Variants in FIG4 observed in about 807,000 individuals in gnomAD.
FIG4 encodes the protein polyphosphoinositide phosphatase.
In FIG4, 112 loss-of-function variants were observed where a neutral mutation model predicts 118.6. The ratio of observed to expected loss-of-function variants is 0.94; its 90% CI spans 0.81 to 1.11. The LOEUF (loss-of-function observed/expected upper bound fraction) is 1.11. FIG4 is among the 50% of genes least tolerant of loss of function. FIG4 has a pLI of 0.00. For synonymous variants in FIG4, 369 were observed against 381.2 expected (o/e 0.97, Z 0.37); for missense variants, 969 against 1,111.7 (o/e 0.87, Z 1.83).
At chr6:109,785,439 A>G (rs979117768) in intron 17 of FIG4, among the ~76,000 whole-genome samples, 10 of 152,248 alleles carry the variant, frequency 6.6e-5, no homozygotes, top group Non-Finnish European at 1.5e-4. Flanking sequence ...AAGCAGTGAA[A>G]AAAGGTACAG....
At chr6:109,707,330 G>GGT (rs1394457769) in intron 1 of FIG4, among the ~76,000 whole-genome samples, 4 of 130,928 alleles carry the variant, frequency 3.1e-5, no homozygotes, top group African/African-American at 1.2e-4. Flanking sequence ...TATATGTATA[G>GGT]GTATATATAT....
intron 10 of FIG4, among the ~76,000 whole-genome samples, chr6:109,752,124 T>G (rs1776726422): frequency 6.6e-6 from 1 of 151,684 alleles, no homozygotes; most frequent in Non-Finnish European, 1.5e-5. Flanking sequence ...TTACTGAGAA[T>G]GATGATTTCC....
At chr6:109,707,362 C>T (rs199778342) in intron 1 of FIG4, among the ~76,000 whole-genome samples, 2 of 144,910 alleles carry the variant, frequency 1.4e-5, no homozygotes, top group Non-Finnish European at 3.0e-5. Context: ...TACATATATA[C>T]GTGTATATAT....
rs1777192183 is a variant in FIG4 at position 109,763,972 on chromosome 6, G to A, written c.1424G>A (p.Gly475Asp). Reference sequence around the variant, plus strand: ...CTAGGAGGATGTGTGATTCCCACTGGTCGCCTGCAGGTATACACAGTATTA... The same window carrying A: ...CTAGGAGGATGTGTGATTCCCACTGATCGCCTGCAGGTATACACAGTATTA... ...NELGGCVIPT[G>D]RLQTGILRTN... Residue 475 changes from glycine to aspartate, a missense_variant, in exon 13 of 23, where the codon GGT (glycine) becomes GAT (aspartate). Coordinates refer to ENST00000230124, the MANE Select transcript of FIG4 (RefSeq NM_014845.6). The A allele has an allele frequency of 1.9e-6, 3 of 1,606,008 alleles. No individual in the cohort carries two copies. Among genetic ancestry groups the A allele is most frequent in the Non-Finnish European group, 1.7e-6 (2 of 1,172,656 alleles).
chr6:109,779,041 C>T (rs923545598), intron 16 of FIG4, among the ~76,000 whole-genome samples: 2 of 152,024 alleles, frequency 1.3e-5, no homozygotes, highest in Non-Finnish European at 2.9e-5. Context: ...CTTACTGTCC[C>T]TATAAATGGA....
chr6:109,814,330 G>T (rs1033594664), intron 22 of FIG4, among the ~76,000 whole-genome samples: 2 of 151,682 alleles, frequency 1.3e-5, no homozygotes, highest in Admixed American at 6.6e-5. Flanking sequence ...TTGTAGAGAT[G>T]GGAGTCTCAC....
chr6:109,754,613 T>G (rs962094370), intron 10 of FIG4, among the ~76,000 whole-genome samples: 1 of 152,210 alleles, frequency 6.6e-6, no homozygotes, highest in African/African-American at 2.4e-5. Context: ...TGCCACAATT[T>G]CAGATCCTGT....
chr6:109,753,861 G>C (rs975149224), intron 10 of FIG4, among the ~76,000 whole-genome samples: 1 of 152,122 alleles, frequency 6.6e-6, no homozygotes, highest in Admixed American at 6.6e-5. Flanking sequence ...GGGTTTTCTA[G>C]ATATACAATC....
chr6:109,751,952 A>T (rs1198567539), intron 10 of FIG4, among the ~76,000 whole-genome samples: 3 of 148,074 alleles, frequency 2.0e-5, no homozygotes, highest in African/African-American at 5.0e-5. Context: ...CTCGTCGTTT[A>T]GCATTAGGTA....
At chr6:109,715,231 G>T (rs1775394192) in intron 2 of FIG4, 55 bp downstream of exon 2, 2 of 845,238 alleles carry the variant, frequency 2.4e-6, no homozygotes, top group Non-Finnish European at 2.1e-6. Context: ...TTGTTTAAAG[G>T]ACATGAAATA....
intron 16 of FIG4, among the ~76,000 whole-genome samples, chr6:109,783,109 C>A (rs1213598904): frequency 6.6e-6 from 1 of 152,180 alleles, no homozygotes; most frequent in Non-Finnish European, 1.5e-5. Flanking sequence ...CACACCAGGG[C>A]CTGCAGTGGT....
chr6:109,760,143 A>T, intron 10 of FIG4, 107 bp from the exon 11 acceptor site: 1 of 875,580 alleles, frequency 1.1e-6, no homozygotes, highest in Non-Finnish European at 1.9e-6. Context: ...TAGTATATTT[A>T]AGACTTGGAT....
chr6:109,751,255 C>T (rs928796247), intron 10 of FIG4, among the ~76,000 whole-genome samples: 1 of 152,186 alleles, frequency 6.6e-6, no homozygotes, highest in Non-Finnish European at 1.5e-5. Flanking sequence ...TTATAAGTTA[C>T]TTCCCATATG....
At chr6:109,719,209 A>G (rs1379210108) in intron 3 of FIG4, among the ~76,000 whole-genome samples, 1 of 152,104 alleles carries the variant, frequency 6.6e-6, no homozygotes, top group Non-Finnish European at 1.5e-5. Flanking sequence ...GTGAGTCACT[A>G]TGCCTGGCCA....
intron 21 of FIG4, among the ~76,000 whole-genome samples, chr6:109,794,142 T>G (rs1455934810): frequency 1.3e-5 from 2 of 152,266 alleles, no homozygotes; most frequent in South Asian, 4.1e-4. Flanking sequence ...ATTCTGTGTT[T>G]GATATTCTGA....
At chr6:109,734,448 A>G (rs1237205726) in intron 5 of FIG4, among the ~76,000 whole-genome samples, 2 of 150,066 alleles carry the variant, frequency 1.3e-5, no homozygotes, top group Non-Finnish European at 3.0e-5. Flanking sequence ...TAGAGTATGC[A>G]TATATAAATA....
intron 15 of FIG4, among the ~76,000 whole-genome samples, chr6:109,773,533 C>G (rs747730861): frequency 1.2e-4 from 19 of 152,156 alleles, no homozygotes; most frequent in African/African-American, 4.3e-4. Flanking sequence ...ATCACTGTTC[C>G]CCAATCCCAT....
chr6:109,735,065 A>G, intron 5 of FIG4, 85 bp from the exon 6 acceptor site: 1 of 1,189,458 alleles, frequency 8.4e-7, no homozygotes, highest in Non-Finnish European at 1.2e-6. Flanking sequence ...AATTTAGTTC[A>G]CAGATTTTAA....
At chr6:109,727,323 C>A in intron 4 of FIG4, 58 bp downstream of exon 4, 1 of 1,408,328 alleles carries the variant, frequency 7.1e-7, no homozygotes, top group Non-Finnish European at 1.0e-6. Flanking sequence ...CCCTGTTGCC[C>A]AGGCTGGAAG....
Sources: gnomAD v4.1 joint callset for allele counts (sites outside exome capture counted in the v4.1 genomes callset) on GRCh38, gnomAD v4.1.1 for gene constraint, MANE v1.5 for transcripts, NCBI Gene and HGNC (gene_info 2026-07-23, HGNC 2026-07-21) for gene names.